The following RHOJ variants were observed in gnomAD, a reference collection of about 807,000 sequenced individuals.
RHOJ encodes the protein ras homolog family member J.
RHOJ carries 11 observed loss-of-function variants against 23.4 expected under a neutral mutation model. That is an observed-to-expected ratio of 0.47 (90% CI 0.30 to 0.78). RHOJ has a LOEUF of 0.78. Ranked by LOEUF, RHOJ falls within the 30% of genes least tolerant of loss-of-function variation. RHOJ has a pLI of 0.08. For synonymous variants in RHOJ, 102 were observed against 102.7 expected, an observed-to-expected ratio of 0.99 and a Z score of 0.04; for missense variants, 254 against 273.4, an observed-to-expected ratio of 0.93 and a Z score of 0.50.
At chr14:63,255,141 C>G (rs1895140453) in intron 1 of RHOJ, among the ~76,000 whole-genome samples, 1 of 152,082 alleles carries the variant, frequency 6.6e-6, no homozygotes, top group Non-Finnish European at 1.5e-5. Context: ...GGCCAAAGTC[C>G]CTTCTACGCC....
In RHOJ at chr14:63,212,398, A is replaced by C. The variant is rs181937949; in HGVS notation, c.178+7351A>C. ...ACATTTTTTCCCACATGTAAAAAAA[A>C]CTCACTCTTTTCCCCAGAAGGACCA... On this transcript the variant is annotated intron_variant, in intron 1 of 4. Transcript: ENST00000316754. Among the ~76,000 whole-genome samples, 427 of 152,230 alleles carry C rather than the reference A, an allele frequency of 2.8e-3. 1 individual carries two copies. Among genetic ancestry groups the C allele is most frequent in the Admixed American group, 6.2e-3 (95 of 15,292 alleles).
chr14:63,220,486 G>GA (rs1474633829), intron 1 of RHOJ, among the ~76,000 whole-genome samples: 1 of 149,822 alleles, frequency 6.7e-6, no homozygotes, highest in Non-Finnish European at 1.5e-5. Context: ...ACGTTAAATA[G>GA]AAAAAAAACA....
chr14:63,274,426 T>G (rs953237086), intron 2 of RHOJ, among the ~76,000 whole-genome samples: 1 of 152,282 alleles, frequency 6.6e-6, no homozygotes, highest in Admixed American at 6.5e-5. Context: ...CCCCAAATTA[T>G]GAAAAAGAGA....
intron 1 of RHOJ, among the ~76,000 whole-genome samples, chr14:63,207,037 T>TG (rs1293780829): frequency 2.9e-5 from 3 of 105,122 alleles, no homozygotes; most frequent in Admixed American, 8.2e-5. Flanking sequence ...TTTCTTTTCT[T>TG]TTTTTTTTTT....
chr14:63,283,155 G>A lies in RHOJ; in HGVS notation c.437G>A (p.Arg146His), dbSNP rs370791329. Residue 146 changes from arginine (R) to histidine (H), a missense_variant, in exon 4 of 5, where the codon CGT (arginine) becomes CAT (histidine). Physicochemically the swap from Arg to His is conservative, Grantham distance 29. Coordinates refer to ENST00000316754, the MANE Select transcript of RHOJ (RefSeq NM_020663.5). ...CGTGATGACCCAAAAACCTTGGCCC[G>A]TTTGCTGTATATGAAAGAGAAACCT... ...DLRDDPKTLA[R>H]LLYMKEKPLT... 19 of 1,614,066 alleles carry A rather than the reference G, an allele frequency of 1.2e-5. No individual in the cohort carries two copies. Among genetic ancestry groups the A allele is most frequent in the East Asian group, 2.2e-5 (1 of 44,878 alleles).
rs1419277302 is a variant in RHOJ at position 63,292,564 on chromosome 14, A to C, written c.*1540A>C. ...AAGTGCTTCTTAGTAGTGTGAAATT[A>C]CAACAACTTTAAGACTTTCCAGATT... On this transcript the variant is annotated 3_prime_UTR_variant, in exon 5 of 5. Coordinates refer to ENST00000316754, the MANE Select transcript of RHOJ (RefSeq NM_020663.5). The C allele has an allele frequency of 6.6e-6, 1 of 152,170 alleles. No individual in the cohort carries two copies. Among genetic ancestry groups the C allele is most frequent in the Non-Finnish European group, 1.5e-5 (1 of 68,032 alleles). 9.4% of individuals were successfully genotyped at this position (152,170 alleles called of 1,614,324 possible).
At position 63,221,740 on chromosome 14, in the gene RHOJ, C is replaced by T. The variant is rs146844677; in HGVS notation, c.178+16693C>T. On this transcript the variant is annotated intron_variant, in intron 1 of 4. Coordinates refer to ENST00000316754, the MANE Select transcript of RHOJ (RefSeq NM_020663.5). The stretch of plus-strand genomic sequence containing the variant: ...CCCTTCAGAGGCTCTGAGAAGATTT[C>T]GGTGTGAGTGGATTCACTACATAAT... Among the ~76,000 whole-genome samples the T allele has an allele frequency of 1.0e-3, 159 of 152,272 alleles. 1 individual carries two copies. The highest frequency in any genetic ancestry group is 3.6e-3 in the African/African-American group (151 of 41,580).
chr14:63,251,250 CT>C (rs1159376482), intron 1 of RHOJ, among the ~76,000 whole-genome samples: 1 of 152,116 alleles, frequency 6.6e-6, no homozygotes, highest in African/African-American at 2.4e-5. Flanking sequence ...AGCTTTGCCC[CT>C]GGTCCATAGT....
chr14:63,228,570 G>C (rs995938575), intron 1 of RHOJ, among the ~76,000 whole-genome samples: 1 of 151,568 alleles, frequency 6.6e-6, no homozygotes, highest in Non-Finnish European at 1.5e-5. Flanking sequence ...TGATAAAGTT[G>C]TATGTGAAAA....
intron 2 of RHOJ, 130 bp downstream of exon 2, chr14:63,269,298 T>G: frequency 6.7e-6 from 4 of 597,362 alleles, no homozygotes; most frequent in East Asian, 2.8e-5. Flanking sequence ...ATTTATTGTC[T>G]GCCTAAATGA....
chr14:63,261,120 A>G (rs1359184465), intron 1 of RHOJ, among the ~76,000 whole-genome samples: 1 of 152,170 alleles, frequency 6.6e-6, no homozygotes, highest in Non-Finnish European at 1.5e-5. Context: ...GTCATTGCCA[A>G]TTTGAATGAC....
At chr14:63,276,192 C>T (rs953792429) in intron 2 of RHOJ, among the ~76,000 whole-genome samples, 3 of 147,704 alleles carry the variant, frequency 2.0e-5, no homozygotes, top group Non-Finnish European at 2.9e-5. Context: ...AGCCTCTCCC[C>T]CAGTGCCTCA....
chr14:63,287,603 T>G (rs1478992625), intron 4 of RHOJ, among the ~76,000 whole-genome samples: 4 of 151,780 alleles, frequency 2.6e-5, no homozygotes, highest in Middle Eastern at 3.4e-3. Context: ...ATTACGGTTT[T>G]TTTTTTTTTT....
chr14:63,290,179 G>A (rs571026754), intron 4 of RHOJ, among the ~76,000 whole-genome samples: 4 of 152,300 alleles, frequency 2.6e-5, no homozygotes, highest in African/African-American at 4.8e-5. Flanking sequence ...GGAGGCAGAG[G>A]TTGCAGAGTT....
chr14:63,253,203 T>C lies in RHOJ; in HGVS notation c.179-15907T>C, dbSNP rs181846777. ...TGAGCCTAAGGCTGTCATTTGCACA[T>C]GCCAACTCCTAGTTCCTCCATCTGC... On this transcript the variant is annotated intron_variant, in intron 1 of 4. Coordinates refer to ENST00000316754, the MANE Select transcript of RHOJ (RefSeq NM_020663.5). 1.4e-3 allele frequency among the ~76,000 whole-genome samples: 209 copies of C among 152,336 alleles called. 2 individuals carry two copies. Among genetic ancestry groups the C allele is most frequent in the Non-Finnish European group, 2.0e-3 (135 of 68,028 alleles).
chr14:63,256,065 T>C (rs570418399), intron 1 of RHOJ, among the ~76,000 whole-genome samples: 1 of 152,040 alleles, frequency 6.6e-6, no homozygotes, highest in South Asian at 2.1e-4. Flanking sequence ...TGCTTGTTTT[T>C]TTGGTAGAGA....
chr14:63,290,786 C>G (rs1882224303), intron 4 of RHOJ, 92 bp from the exon 5 acceptor site: 20 of 1,289,982 alleles, frequency 1.6e-5, no homozygotes, highest in Non-Finnish European at 2.1e-5. Context: ...GTAGGACAGG[C>G]AGAAGTAAGT....
Position 63,204,555 on chromosome 14 carries a change from C to A in RHOJ, c.-315C>A. 1 of 380,884 alleles carries A rather than the reference C, an allele frequency of 2.6e-6. No homozygotes were observed. Among genetic ancestry groups the A allele is most frequent in the East Asian group, 5.7e-5 (1 of 17,462 alleles). 23.6% of individuals were successfully genotyped at this position (380,884 alleles called of 1,614,324 possible). ...TAGAGACAGGGAGAGCAGAGTAAAA[C>A]CCTCAGGCTGCTGAAATTTCTAGGC... On this transcript the variant is annotated 5_prime_UTR_variant, in exon 1 of 5. Transcript: ENST00000316754.
intron 4 of RHOJ, chr14:63,284,460 AC>A: frequency 3.4e-6 from 2 of 582,274 alleles, no homozygotes; most frequent in Non-Finnish European, 4.3e-6. Flanking sequence ...GTCTCAGCTT[AC>A]AGATGAGGAA....
Sources: gnomAD v4.1 joint callset for allele counts (sites outside exome capture counted in the v4.1 genomes callset) on GRCh38, gnomAD v4.1.1 for gene constraint, MANE v1.5 for transcripts, NCBI Gene and HGNC (gene_info 2026-07-23, HGNC 2026-07-21) for gene names.